The following TIAM1 variants were observed in gnomAD, a reference collection of about 807,000 sequenced individuals.
TIAM1 encodes TIAM Rac1 associated GEF 1.
In TIAM1, 65 loss-of-function variants were observed where a neutral mutation model predicts 163.5. That is an observed-to-expected ratio of 0.40 (90% CI 0.33 to 0.49). TIAM1 has a LOEUF of 0.49. Among genes scored for constraint, TIAM1 ranks in the 20% least tolerant of loss-of-function variants. TIAM1 has a pLI of 0.77. For missense variants in TIAM1, 1,789 were observed against 2,044.7 expected, an observed-to-expected ratio of 0.87 and a Z score of 2.41; for synonymous variants, 833 against 810.1, an observed-to-expected ratio of 1.03 and a Z score of -0.48.
At chr21:31,497,044 G>A (rs11702351) in intron 1 of TIAM1, among the ~76,000 whole-genome samples, 38,363 of 152,114 alleles carry the variant, frequency 0.25, 5,066 homozygotes, top group Middle Eastern at 0.32. Flanking sequence ...AGTTCAGGCC[G>A]TAATGCTCAC....
At position 31,457,296 on chromosome 21, in the gene TIAM1, G is replaced by C. The variant is rs568736397; in HGVS notation, c.-369+6687C>G. 2.6e-5 allele frequency among the ~76,000 whole-genome samples: 4 copies of C among 152,258 alleles called. No individual in the cohort carries two copies. In the East Asian group the frequency reaches 7.7e-4, roughly 29 times the overall value. ...CCAGACGGTCATTGCTCTACCATTA[G>C]CCAAGATTTGGGTGCACCACTGTCC... On this transcript the variant is annotated intron_variant, in intron 2 of 28. Transcript: ENST00000286827.
intron 1 of TIAM1, among the ~76,000 whole-genome samples, chr21:31,531,983 G>T (rs1036401391): frequency 6.6e-6 from 1 of 152,098 alleles, no homozygotes; most frequent in Non-Finnish European, 1.5e-5. Flanking sequence ...CAGGCATGGT[G>T]GCGTGTGCCT....
intron 11 of TIAM1, among the ~76,000 whole-genome samples, chr21:31,206,443 A>C (rs569238990): frequency 6.6e-6 from 1 of 152,370 alleles, no homozygotes; most frequent in South Asian, 2.1e-4. Flanking sequence ...AGTAATTCTA[A>C]ATGTGTGGCC....
chr21:31,167,883 G>A (rs2084313823), intron 15 of TIAM1, among the ~76,000 whole-genome samples: 1 of 152,040 alleles, frequency 6.6e-6, no homozygotes, highest in African/African-American at 2.4e-5. Context: ...ACAGGGCTTG[G>A]GTCAGTACAA....
intron 2 of TIAM1, among the ~76,000 whole-genome samples, chr21:31,402,733 A>G (rs142875418): frequency 2.6e-5 from 4 of 152,112 alleles, no homozygotes; most frequent in African/African-American, 9.6e-5. Context: ...GGGTATCATG[A>G]GGTCAGGAGA....
Position 31,141,239 on chromosome 21 carries a change from GGAA to G in TIAM1, c.3656-6_3656-4del. The G allele has an allele frequency of 6.2e-7, 1 of 1,614,056 alleles. No homozygotes were observed. The highest frequency in any genetic ancestry group is 8.5e-7 in the Non-Finnish European group (1 of 1,179,974). On this transcript the variant is annotated splice_polypyrimidine_tract_variant and splice_region_variant and intron_variant, in intron 21 of 27. Coordinates refer to ENST00000541036, the MANE Select transcript of TIAM1 (RefSeq NM_001353694.2). This position sits in a 1 kb window ranked among gnomAD's most constrained non-coding sequence, Gnocchi z 4.7. ...CTTGTTCATGGTCTTGATGGCCACT[GGAA>G]GAAAACAGGTTGTGAAATGAGAGGC...
chr21:31,558,719 A>G (rs976546176), intron 1 of TIAM1, among the ~76,000 whole-genome samples: 17 of 151,908 alleles, frequency 1.1e-4, no homozygotes, highest in African/African-American at 3.6e-4. Flanking sequence ...TCCTCCCCGC[A>G]TCTCCCCACC....
intron 2 of TIAM1, among the ~76,000 whole-genome samples, chr21:31,369,553 G>C (rs1419694369): frequency 6.6e-6 from 1 of 152,124 alleles, no homozygotes; most frequent in Non-Finnish European, 1.5e-5. Flanking sequence ...AAAGCTAGAA[G>C]AAAGGATTCT....
chr21:31,471,277 C>T (rs561438784), intron 1 of TIAM1, among the ~76,000 whole-genome samples: 3 of 152,328 alleles, frequency 2.0e-5, no homozygotes, highest in South Asian at 2.1e-4. Flanking sequence ...CCAGATCCGC[C>T]CCTCAGGAGC....
At position 31,536,161 on chromosome 21, in the gene TIAM1, A is replaced by G. The variant is rs181332802; in HGVS notation, c.-422+22766T>C. On this transcript the variant is annotated intron_variant, in intron 1 of 28. Coordinates refer to the TIAM1 transcript ENST00000286827. The stretch of plus-strand genomic sequence containing the variant: ...AGGCCTGTTCAAAGCATCTACAGGA[A>G]TCGGCTCATTCACTCCTCACAACCA... Among the ~76,000 whole-genome samples the G allele has an allele frequency of 3.3e-5, 5 of 152,344 alleles. 2 individuals carry two copies. Among genetic ancestry groups the G allele is most frequent in the African/African-American group, 1.2e-4 (5 of 41,592 alleles).
chr21:31,516,227 C>T lies in TIAM1; in HGVS notation c.-422+42700G>A, dbSNP rs1413728826. ...AGGAGTTAAAGACCAGCCTGGCCAA[C>T]ATGGTGAAACCCCATCTCTACTAAA... On this transcript the variant is annotated intron_variant, in intron 1 of 28. Transcript: ENST00000286827. Among the ~76,000 whole-genome samples the T allele has an allele frequency of 2.0e-5, 3 of 151,732 alleles. No homozygotes were observed. In the South Asian group the frequency reaches 6.2e-4, roughly 32 times the overall value.
chr21:31,449,566 C>T (rs965279770), intron 2 of TIAM1, among the ~76,000 whole-genome samples: 4 of 151,018 alleles, frequency 2.6e-5, no homozygotes, highest in African/African-American at 9.7e-5. Flanking sequence ...TTAGTAAAGA[C>T]GGGGTTTCAC....
intron 2 of TIAM1, among the ~76,000 whole-genome samples, chr21:31,327,643 CAAAAAA>C (rs373702154): frequency 1.6e-4 from 11 of 69,464 alleles, no homozygotes; most frequent in Non-Finnish European, 2.6e-4. Context: ...GCCGCCATCT[CAAAAAA>C]AAAAAAAAAA....
intron 2 of TIAM1, among the ~76,000 whole-genome samples, chr21:31,328,986 A>T (rs139643240): frequency 1.7e-4 from 26 of 152,314 alleles, no homozygotes; most frequent in Non-Finnish European, 2.6e-4. Context: ...ACAATACAGT[A>T]TAACAACTAT....
chr21:31,149,964 A>G (rs2083301326), intron 19 of TIAM1, among the ~76,000 whole-genome samples: 1 of 152,210 alleles, frequency 6.6e-6, no homozygotes, highest in Non-Finnish European at 1.5e-5. Flanking sequence ...GTTTTGGAAG[A>G]AAATATTTTA....
At chr21:31,222,707 A>ATTTTTTTTTTT (rs527864043) in intron 8 of TIAM1, among the ~76,000 whole-genome samples, 1 of 32,886 alleles carries the variant, frequency 3.0e-5, no homozygotes, top group African/African-American at 1.4e-4. Flanking sequence ...ATATATATAT[A>ATTTTTTTTTTT]TTTTTTTTTT....
At chr21:31,150,338 C>T (rs966537380) in intron 19 of TIAM1, among the ~76,000 whole-genome samples, 1 of 151,988 alleles carries the variant, frequency 6.6e-6, no homozygotes, top group Non-Finnish European at 1.5e-5. Context: ...CAGTCTTTAC[C>T]CCGGCTCCAA....
At chr21:31,371,546 A>C (rs1453377364) in intron 2 of TIAM1, among the ~76,000 whole-genome samples, 1 of 152,214 alleles carries the variant, frequency 6.6e-6, no homozygotes, top group Non-Finnish European at 1.5e-5. Flanking sequence ...ACTCCCTGCA[A>C]AGTACTTTTC....
At position 31,182,460 on chromosome 21, in the gene TIAM1, G is replaced by C. The variant is rs2146440773; in HGVS notation, c.2848C>G (p.Leu950Val). The C allele has an allele frequency of 1.9e-6, 3 of 1,602,798 alleles. No homozygotes were observed. The highest frequency in any genetic ancestry group is 2.6e-6 in the Non-Finnish European group (3 of 1,174,890). Residue 950 changes from leucine (L) to valine (V), a missense_variant, in exon 15 of 28, where the codon CTT (leucine) becomes GTT (valine). Physicochemically the swap from Leu to Val is conservative, Grantham distance 32. Transcript: ENST00000541036. ...PPHRVDGPAD[L>V]GESPLAFLTS... ...AGAAAGGCGAGGGGGCTCTCGCCAA[G>C]GTCGGCAGGGCCGTCCACTCGGTGG... is the stretch of plus-strand genomic sequence containing the variant.
Sources: gnomAD v4.1 joint callset for allele counts (sites outside exome capture counted in the v4.1 genomes callset) on GRCh38, gnomAD v4.1.1 for gene constraint, Gnocchi (gnomAD v3.1) non-coding constraint, MANE v1.5 for transcripts, NCBI Gene and HGNC (gene_info 2026-07-23, HGNC 2026-07-21) for gene names.